The following LAMB3 variants were observed in gnomAD, a reference collection of about 807,000 sequenced individuals.
LAMB3 encodes laminin subunit beta 3, also known as laminin subunit beta-3.
Under a neutral mutation model 140.3 loss-of-function variants are expected in LAMB3, and 104 were observed. That is an observed-to-expected ratio of 0.74 (90% CI 0.63 to 0.87). The LOEUF (loss-of-function observed/expected upper bound fraction) is 0.87. Among genes scored for constraint, LAMB3 ranks in the 40% least tolerant of loss-of-function variants. The pLI is 0.00. For synonymous variants in LAMB3, 592 were observed against 602.9 expected (o/e 0.98, Z 0.26); for missense variants, 1,531 against 1,575.2 (o/e 0.97, Z 0.47).
At chr1:209,636,673 T>G (rs1393620395) in intron 5 of LAMB3, among the ~76,000 whole-genome samples, 1 of 152,190 alleles carries the variant, frequency 6.6e-6, no homozygotes, top group Admixed American at 6.5e-5. Context: ...ATACCTCATC[T>G]TCTTGCCGCC....
At chr1:209,631,209 C>T (rs9430009) in intron 8 of LAMB3, among the ~76,000 whole-genome samples, 149,777 of 152,362 alleles carry the variant, frequency 0.98, 73,632 homozygotes, top group East Asian at 1. Flanking sequence ...ATAGCTGTTG[C>T]GTGCTAATTG....
At chr1:209,633,689 T>G (rs1397826764) in intron 6 of LAMB3, among the ~76,000 whole-genome samples, 1 of 152,136 alleles carries the variant, frequency 6.6e-6, no homozygotes, top group Admixed American at 6.5e-5. Flanking sequence ...TGCGTAAGGG[T>G]ATAACCAAGG....
rs764342006 is a variant in LAMB3 at position 209,628,001 on chromosome 1, C to A, written c.1288+34G>T. 4.4e-6 allele frequency: 7 copies of A among 1,574,144 alleles called. No individual in the cohort carries two copies. In the South Asian group the frequency reaches 8.1e-5, roughly 18 times the overall value. On this transcript the variant is annotated intron_variant, in intron 11 of 22. Transcript: ENST00000356082. ...GGGTCTGGTGGCCCCATGCAGCCCA[C>A]CCCACGTCATGCTGGGCCAAGCCCC...
chr1:209,629,265 A>C (rs1275569545), intron 10 of LAMB3, among the ~76,000 whole-genome samples: 1 of 152,206 alleles, frequency 6.6e-6, no homozygotes, highest in Non-Finnish European at 1.5e-5. Flanking sequence ...TTTTCCAGTC[A>C]GTGTGCTAGG....
intron 4 of LAMB3, among the ~76,000 whole-genome samples, chr1:209,638,249 C>T (rs927321713): frequency 1.3e-5 from 2 of 152,214 alleles, no homozygotes; most frequent in African/African-American, 4.8e-5. Context: ...TCCACACAGA[C>T]TTGTTCCCCA....
At chr1:209,630,339 A>C (rs1338097299) in intron 9 of LAMB3, among the ~76,000 whole-genome samples, 1 of 152,160 alleles carries the variant, frequency 6.6e-6, no homozygotes, top group African/African-American at 2.4e-5. Context: ...AAGTAGGAAA[A>C]ATGACAATAG....
intron 1 of LAMB3, 92 bp downstream of exon 1, chr1:209,652,277 A>C (rs1356471504): frequency 6.6e-6 from 1 of 152,374 alleles, no homozygotes; most frequent in Non-Finnish European, 1.5e-5. Flanking sequence ...AGAGGAATAA[A>C]TCAGGCCCTG....
chr1:209,617,132 T>C (rs1055603983), intron 21 of LAMB3, among the ~76,000 whole-genome samples: 1 of 152,194 alleles, frequency 6.6e-6, no homozygotes, highest in African/African-American at 2.4e-5. Context: ...ACCTGCTTTG[T>C]AGATGATTCT....
At chr1:209,618,698 A>G in intron 18 of LAMB3, 39 bp from the exon 19 acceptor site, 6 of 1,593,100 alleles carry the variant, frequency 3.8e-6, no homozygotes, top group Non-Finnish European at 5.2e-6. Context: ...GAGCCCACTA[A>G]CCTCCCCAGA....
At chr1:209,633,206 C>T (rs948980492) in intron 6 of LAMB3, 73 bp from the exon 7 acceptor site, 12 of 1,119,862 alleles carry the variant, frequency 1.1e-5, no homozygotes, top group Non-Finnish European at 1.2e-5. Flanking sequence ...AGAAACCTTT[C>T]TTTCCATTAT....
intron 18 of LAMB3, among the ~76,000 whole-genome samples, chr1:209,620,028 G>C (rs1254895113): frequency 6.6e-6 from 1 of 152,178 alleles, no homozygotes; most frequent in African/African-American, 2.4e-5. Context: ...AAGGCTTCAT[G>C]TGCACCTTCT....
At chr1:209,643,195 G>A (rs777965039) in intron 3 of LAMB3, among the ~76,000 whole-genome samples, 1 of 152,210 alleles carries the variant, frequency 6.6e-6, no homozygotes, top group African/African-American at 2.4e-5. Context: ...TCCCCTCTGG[G>A]TCTCAGTTTC....
Position 209,625,816 on chromosome 1 carries a change from C to T in LAMB3, c.1808G>A (p.Arg603His), listed in dbSNP as rs114651102. 7.4e-6 allele frequency: 12 copies of T among 1,614,124 alleles called. No individual in the cohort carries two copies. The highest frequency in any genetic ancestry group is 2.2e-5 in the East Asian group (1 of 44,880). The change falls in exon 14 of 23, where the codon CGC (arginine) becomes CAC (histidine). Residue 603 changes from arginine (R) to histidine (H), a missense_variant. Transcript: ENST00000356082. ...TGACCACAGGCTGGCGGTGGCATTGCGGAGTCTACCAAAGCGCAGGGCCTG... is the reference window on the plus strand; with the variant it reads ...TGACCACAGGCTGGCGGTGGCATTGTGGAGTCTACCAAAGCGCAGGGCCTG... ...REQALRFGRL[R>H]NATASLWSGP...
intron 5 of LAMB3, 130 bp from the exon 6 acceptor site, chr1:209,634,768 G>A (rs1666835752): frequency 4.1e-6 from 3 of 730,936 alleles, no homozygotes; most frequent in Non-Finnish European, 6.9e-6. Context: ...TGGGCTCGGA[G>A]CATCCGGGTC....
chr1:209,638,975 A>C, intron 3 of LAMB3, among the ~76,000 whole-genome samples: 1 of 116,612 alleles, frequency 8.6e-6, no homozygotes, highest in Non-Finnish European at 1.7e-5. Flanking sequence ...GTGCCGAGAA[A>C]AAAAAAAGGG....
chr1:209,636,670 ATCT>A (rs1387347305), intron 5 of LAMB3, among the ~76,000 whole-genome samples: 2 of 151,816 alleles, frequency 1.3e-5, no homozygotes, highest in South Asian at 2.1e-4. Flanking sequence ...CATATACCTC[ATCT>A]TCTTGCCGCC....
At chr1:209,615,433 A>G (rs763104348) in intron 22 of LAMB3, 26 bp from the exon 23 acceptor site, 3 of 1,573,266 alleles carry the variant, frequency 1.9e-6, no homozygotes, top group Non-Finnish European at 1.7e-6. Context: ...CAGCAGCAGG[A>G]GGAGGAGTTG....
chr1:209,634,917 T>TTCTCTCTCTCTC lies in LAMB3; in HGVS notation c.373-291_373-280dup, dbSNP rs59855467. Among the ~76,000 whole-genome samples the TTCTCTCTCTCTC allele has an allele frequency of 7.0e-4, 96 of 136,240 alleles. 1 individual carries two copies. Among genetic ancestry groups the TTCTCTCTCTCTC allele is most frequent in the African/African-American group, 2.6e-3 (91 of 34,728 alleles). 89.4% of individuals were successfully genotyped at this position (136,240 alleles called of 152,430 possible). A position where few individuals can be genotyped will look rare whatever the true frequency, so the allele number is the denominator to read the frequency against. On this transcript the variant is annotated intron_variant, in intron 5 of 22. Coordinates refer to ENST00000356082, the MANE Select transcript of LAMB3 (RefSeq NM_000228.3). ...ACTTCGCACAGTTGACCATTTTTTATTCTCTCTCTCTCTCTCTCTCTCTCT... is the reference window on the plus strand; with the variant it reads ...ACTTCGCACAGTTGACCATTTTTTATTCTCTCTCTCTCTCTCTCTCTCTCTCTCTCTCTCTCT...
chr1:209,644,687 G>T (rs2076500451), intron 3 of LAMB3, among the ~76,000 whole-genome samples: 1 of 151,990 alleles, frequency 6.6e-6, no homozygotes, highest in African/African-American at 2.4e-5. Context: ...GAAAATTTCA[G>T]AGTTGGTTTT....
Sources: allele counts gnomAD v4.1 joint callset (sites outside exome capture counted in the v4.1 genomes callset), GRCh38; gene constraint gnomAD v4.1.1; transcripts MANE v1.5; gene names NCBI Gene and HGNC (gene_info 2026-07-23, HGNC 2026-07-21).